RSU1: variants seen among roughly 807,000 people sequenced by gnomAD.
RSU1 encodes the protein rsu-1.
Under a neutral mutation model 31.1 loss-of-function variants are expected in RSU1, and 26 were observed. The observed-to-expected ratio is 0.84, with a 90% confidence interval of 0.61 to 1.16. RSU1 has a LOEUF of 1.16. RSU1 is among the 50% of genes most tolerant of loss of function. The probability of loss-of-function intolerance (pLI) is 0.00; values close to 1 mark genes in which losing one functional copy is unlikely to be tolerated. For synonymous variants in RSU1, 164 were observed against 136.3 expected (o/e 1.20, Z -1.41); for missense variants, 320 against 339.1 (o/e 0.94, Z 0.44).
chr10:16,807,767 T>C (rs1478026828), intron 2 of RSU1, among the ~76,000 whole-genome samples: 1 of 152,192 alleles, frequency 6.6e-6, no homozygotes, highest in African/African-American at 2.4e-5. Context: ...CTCACACCTG[T>C]AATCCTAGCA....
chr10:16,647,954 C>CT (rs1834602218), intron 8 of RSU1, among the ~76,000 whole-genome samples: 1 of 151,648 alleles, frequency 6.6e-6, no homozygotes, highest in South Asian at 2.1e-4. Flanking sequence ...TCTTCTTTTT[C>CT]TTGTTTTTCT....
chr10:16,644,108 G>T (rs1010930195), intron 8 of RSU1, among the ~76,000 whole-genome samples: 7 of 151,952 alleles, frequency 4.6e-5, no homozygotes, highest in East Asian at 1.9e-4. Context: ...AGGGTGGTGG[G>T]GGGGGGTCCT....
intron 7 of RSU1, among the ~76,000 whole-genome samples, chr10:16,737,644 C>T (rs564149489): frequency 2.0e-5 from 3 of 151,742 alleles, no homozygotes; most frequent in Non-Finnish European, 4.4e-5. Flanking sequence ...CAGATGGAAG[C>T]GCCTATCTAC....
chr10:16,805,523 A>G (rs1372383346), intron 2 of RSU1, among the ~76,000 whole-genome samples: 1 of 151,798 alleles, frequency 6.6e-6, no homozygotes, highest in African/African-American at 2.4e-5. Flanking sequence ...TACAAAAAAA[A>G]AAGTTAGCCA....
At chr10:16,628,028 G>A (rs538377463) in intron 8 of RSU1, among the ~76,000 whole-genome samples, 8 of 152,268 alleles carry the variant, frequency 5.3e-5, no homozygotes, top group East Asian at 3.9e-4. Flanking sequence ...GACTAATAAC[G>A]TATGGCAAAC....
intron 8 of RSU1, among the ~76,000 whole-genome samples, chr10:16,677,878 G>C (rs774123799): frequency 8.6e-5 from 13 of 152,012 alleles, no homozygotes; most frequent in African/African-American, 3.1e-4. Context: ...CACCACTCAC[G>C]CAGTTTCTAT....
chr10:16,667,181 A>C (rs1055823783), intron 8 of RSU1, among the ~76,000 whole-genome samples: 6 of 152,242 alleles, frequency 3.9e-5, no homozygotes, highest in Non-Finnish European at 8.8e-5. Flanking sequence ...TCTGTTAGTT[A>C]ATCTGAAATC....
intron 7 of RSU1, among the ~76,000 whole-genome samples, chr10:16,721,894 A>G (rs1204459636): frequency 2.0e-5 from 3 of 152,186 alleles, no homozygotes; most frequent in Non-Finnish European, 4.4e-5. Flanking sequence ...AGGGATTAAA[A>G]CATCAATGTA....
intron 8 of RSU1, among the ~76,000 whole-genome samples, chr10:16,660,971 T>C (rs1452947163): frequency 6.6e-6 from 1 of 152,142 alleles, no homozygotes; most frequent in Non-Finnish European, 1.5e-5. Context: ...TTCATTTATG[T>C]GTAATACCCT....
chr10:16,715,785 G>T (rs970542586), intron 7 of RSU1, among the ~76,000 whole-genome samples: 1 of 152,160 alleles, frequency 6.6e-6, no homozygotes, highest in Non-Finnish European at 1.5e-5. Flanking sequence ...ACTACTTGAG[G>T]TCTGTTGCAA....
intron 2 of RSU1, among the ~76,000 whole-genome samples, chr10:16,794,482 A>G (rs80043547): frequency 6.6e-6 from 1 of 152,132 alleles, no homozygotes; most frequent in South Asian, 2.1e-4. Context: ...TGTATTGACT[A>G]ATTTTTCTAG....
chr10:16,731,411 A>C (rs913386845), intron 7 of RSU1, among the ~76,000 whole-genome samples: 4 of 149,972 alleles, frequency 2.7e-5, no homozygotes. Context: ...GCCTGGGCGA[A>C]AGAGCGACAC....
intron 2 of RSU1, among the ~76,000 whole-genome samples, chr10:16,808,059 C>T (rs1483334582): frequency 2.6e-5 from 4 of 151,654 alleles, no homozygotes. Flanking sequence ...AAAATGAATG[C>T]CTTACGGTAA....
chr10:16,654,148 G>C (rs186075348), intron 8 of RSU1, among the ~76,000 whole-genome samples: 2 of 151,534 alleles, frequency 1.3e-5, no homozygotes, highest in Admixed American at 1.3e-4. Flanking sequence ...GATTACACGC[G>C]CACACCATCA....
Position 16,592,900 on chromosome 10 carries a change from AAGTAACATGTGATACAAAC to A in RSU1, c.*475_*493del, listed in dbSNP as rs1833533701. 1.3e-5 allele frequency: 2 copies of A among 152,970 alleles called. No individual in the cohort carries two copies. The highest frequency in any genetic ancestry group is 4.8e-5 in the African/African-American group (2 of 41,458). 9.5% of individuals were successfully genotyped at this position (152,970 alleles called of 1,614,324 possible). A position where few individuals can be genotyped will look rare whatever the true frequency, so the allele number is the denominator to read the frequency against. On this transcript the variant is annotated 3_prime_UTR_variant, in exon 9 of 9. Coordinates refer to ENST00000345264, the MANE Select transcript of RSU1 (RefSeq NM_012425.4). ...GACTGTTCTTTTATTCTGAGTCAAT[AAGTAACATGTGATACAAAC>A]TCAAGATTTTATTAAAATCATTTGT...
chr10:16,709,036 A>G (rs1835963815), intron 7 of RSU1, among the ~76,000 whole-genome samples: 1 of 151,464 alleles, frequency 6.6e-6, no homozygotes, highest in Non-Finnish European at 1.5e-5. Flanking sequence ...TTTAGGGTAC[A>G]TGTGCACAAT....
At chr10:16,762,026 C>T (rs1309468131) in intron 4 of RSU1, among the ~76,000 whole-genome samples, 1 of 152,026 alleles carries the variant, frequency 6.6e-6, no homozygotes, top group Non-Finnish European at 1.5e-5. Context: ...TCTTGCTGTT[C>T]CCCCTGTTGG....
intron 8 of RSU1, among the ~76,000 whole-genome samples, chr10:16,683,130 AC>A (rs530834213): frequency 3.0e-3 from 381 of 127,032 alleles, no homozygotes; most frequent in Middle Eastern, 0.021. Flanking sequence ...TGATGTTGAA[AC>A]CCAAGCCTTA....
intron 8 of RSU1, among the ~76,000 whole-genome samples, chr10:16,625,470 G>A (rs1439543333): frequency 6.6e-6 from 1 of 152,176 alleles, no homozygotes; most frequent in East Asian, 1.9e-4. Flanking sequence ...CGGTGTTCCT[G>A]TGACGGCAGG....
Sources: allele counts gnomAD v4.1 joint callset (sites outside exome capture counted in the v4.1 genomes callset), GRCh38; gene constraint gnomAD v4.1.1; transcripts MANE v1.5; gene names NCBI Gene and HGNC (gene_info 2026-07-23, HGNC 2026-07-21).